The following KIF18A variants were observed in gnomAD, a reference collection of about 807,000 sequenced individuals.
KIF18A encodes kinesin family member 18A.
In KIF18A, 67 loss-of-function variants were observed where a neutral mutation model predicts 103.3. That is an observed-to-expected ratio of 0.65 (90% CI 0.53 to 0.79). The LOEUF (loss-of-function observed/expected upper bound fraction) is 0.79. Ranked by LOEUF, KIF18A falls within the 30% of genes least tolerant of loss-of-function variation. The pLI is 0.00. For synonymous variants in KIF18A, 367 were observed against 355.5 expected, an observed-to-expected ratio of 1.03 and a Z score of -0.36; for missense variants, 1,032 against 1,062.5, an observed-to-expected ratio of 0.97 and a Z score of 0.40.
chr11:28,055,422 T>G (rs557083594), intron 13 of KIF18A, among the ~76,000 whole-genome samples: 1 of 152,190 alleles, frequency 6.6e-6, no homozygotes, highest in Non-Finnish European at 1.5e-5. Context: ...TTCTGCAATT[T>G]CAGCTAATTT....
chr11:28,105,153 T>G (rs1851488755), intron 1 of KIF18A, among the ~76,000 whole-genome samples: 1 of 152,106 alleles, frequency 6.6e-6, no homozygotes, highest in Non-Finnish European at 1.5e-5. Context: ...ATTGACATAC[T>G]CTTACTAAAT....
intron 16 of KIF18A, among the ~76,000 whole-genome samples, chr11:28,023,064 G>A (rs1157571226): frequency 6.6e-6 from 1 of 152,190 alleles, no homozygotes; most frequent in African/African-American, 2.4e-5. Context: ...TGAATAAATA[G>A]TTTCTGAATG....
At chr11:28,066,561 C>T (rs192457623) in intron 11 of KIF18A, among the ~76,000 whole-genome samples, 2 of 151,536 alleles carry the variant, frequency 1.3e-5, no homozygotes, top group African/African-American at 4.8e-5. Context: ...ATGGACACAA[C>T]GTTTAAAAAA....
At chr11:28,068,287 G>A (rs929160796) in intron 11 of KIF18A, among the ~76,000 whole-genome samples, 8 of 152,000 alleles carry the variant, frequency 5.3e-5, no homozygotes, top group African/African-American at 1.9e-4. Context: ...GGGGGCAAGG[G>A]GAGGGAGAGC....
chr11:28,084,974 G>C (rs1226938150), intron 6 of KIF18A, among the ~76,000 whole-genome samples, 166 bp from the exon 7 acceptor site: 1 of 152,070 alleles, frequency 6.6e-6, no homozygotes, highest in Non-Finnish European at 1.5e-5. Flanking sequence ...AATAAGAATA[G>C]TCATAATACA....
chr11:28,024,662 G>A (rs1442167638), intron 15 of KIF18A, among the ~76,000 whole-genome samples: 1 of 152,082 alleles, frequency 6.6e-6, no homozygotes, highest in Non-Finnish European at 1.5e-5. Flanking sequence ...GAGTAAGAAA[G>A]AATAATGGAA....
At chr11:28,105,165 G>A (rs1387957637) in intron 1 of KIF18A, among the ~76,000 whole-genome samples, 1 of 151,882 alleles carries the variant, frequency 6.6e-6, no homozygotes, top group African/African-American at 2.4e-5. Context: ...TTACTAAATC[G>A]TCATAACAAC....
chr11:28,074,860 CTA>C (rs1851069361), intron 10 of KIF18A, among the ~76,000 whole-genome samples: 1 of 152,022 alleles, frequency 6.6e-6, no homozygotes, highest in Non-Finnish European at 1.5e-5. Context: ...CATCATATGT[CTA>C]TGTAATTAAA....
chr11:28,091,614 A>G lies in KIF18A; in HGVS notation c.484-101T>C, dbSNP rs1210769504. The G allele has an allele frequency of 7.3e-6, 4 of 547,384 alleles. No individual in the cohort carries two copies. In the East Asian group the frequency reaches 9.5e-5, roughly 13 times the overall value. The allele number at this position is 547,384 out of a possible 1,614,324, so 33.9% of individuals were successfully genotyped here. On this transcript the variant is annotated intron_variant, in intron 3 of 16. Coordinates refer to ENST00000263181, the MANE Select transcript of KIF18A (RefSeq NM_031217.4). ...TTTAAAGTTATTAGAATTTTATCCT[A>G]AAGACAAGCAGCACCTCACTTTTAT...
intron 7 of KIF18A, among the ~76,000 whole-genome samples, chr11:28,084,028 A>AT (rs1404592540): frequency 2.0e-5 from 3 of 152,142 alleles, no homozygotes; most frequent in African/African-American, 7.2e-5. Flanking sequence ...ACATATTTTG[A>AT]TATACATGTT....
chr11:28,033,673 G>T (rs1449402364), intron 15 of KIF18A, among the ~76,000 whole-genome samples: 1 of 151,624 alleles, frequency 6.6e-6, no homozygotes, highest in Non-Finnish European at 1.5e-5. Flanking sequence ...TTGAACTCAT[G>T]GAGATAGAGA....
rs1316819483 is a variant in KIF18A, at chr11:28,023,696, TAC to T, written c.2614+43_2614+44del. 4.6e-6 allele frequency: 5 copies of T among 1,081,966 alleles called. No homozygotes were observed. The South Asian group carries it at 6.5e-5, about 14-fold the overall frequency. The allele number at this position is 1,081,966 out of a possible 1,614,324, so 67.0% of individuals were successfully genotyped here. A position where few individuals can be genotyped will look rare whatever the true frequency, so the allele number is the denominator to read the frequency against. ...AAAACGTAAAGTACTATATGTGTGT[TAC>T]AGAGTCATACCATTAAATATCAAAT... On this transcript the variant is annotated intron_variant, in intron 16 of 16. Coordinates refer to ENST00000263181, the MANE Select transcript of KIF18A (RefSeq NM_031217.4).
chr11:28,100,032 G>C (rs527897633), intron 1 of KIF18A, among the ~76,000 whole-genome samples: 1 of 152,236 alleles, frequency 6.6e-6, no homozygotes, highest in East Asian at 1.9e-4. Flanking sequence ...AAAGGTGACA[G>C]AATTTACTGA....
chr11:28,021,315 G>A, intron 16 of KIF18A, 33 bp from the exon 17 acceptor site: 2 of 1,302,690 alleles, frequency 1.5e-6, no homozygotes, highest in Non-Finnish European at 2.0e-6. Flanking sequence ...CATAAATATG[G>A]CATAAATATC....
intron 1 of KIF18A, among the ~76,000 whole-genome samples, chr11:28,103,574 G>A (rs1404680529): frequency 6.6e-6 from 1 of 152,022 alleles, no homozygotes; most frequent in African/African-American, 2.4e-5. Context: ...AAGGGTACAA[G>A]AGAATAAGAA....
chr11:28,105,034 C>G (rs552806360), intron 1 of KIF18A, among the ~76,000 whole-genome samples: 1 of 151,736 alleles, frequency 6.6e-6, no homozygotes, highest in Non-Finnish European at 1.5e-5. Context: ...AGACAAACAA[C>G]AACAACAAAA....
At chr11:28,081,002 C>T (rs1675129607) in intron 9 of KIF18A, among the ~76,000 whole-genome samples, 1 of 152,158 alleles carries the variant, frequency 6.6e-6, no homozygotes, top group Non-Finnish European at 1.5e-5. Context: ...TTCTTTAAGT[C>T]AAAGCCTTAT....
At chr11:28,070,903 C>T (rs116952957) in intron 10 of KIF18A, among the ~76,000 whole-genome samples, 1,977 of 152,222 alleles carry the variant, frequency 0.013, 16 homozygotes, top group Non-Finnish European at 0.02. Flanking sequence ...TAAATTTAGG[C>T]TGGTTTCGTG....
chr11:28,023,769 C>A lies in KIF18A; in HGVS notation c.2586G>T (p.Lys862Asn). ...TTGTTGGTTTGTTTTCTTGTAAGTGCTTCTCACTTGAATTATCTTGTCGAA... is the reference window on the plus strand; with the variant it reads ...TTGTTGGTTTGTTTTCTTGTAAGTGATTCTCACTTGAATTATCTTGTCGAA... ...KRVRQDNSSE[K>N]HLQENKPTME... The change falls in exon 16 of 17, where the codon AAG becomes AAT. Residue 862 changes from lysine (K) to asparagine (N), a missense_variant. Physicochemically the swap from Lys to Asn is moderately conservative, Grantham distance 94. Transcript: ENST00000263181. The A allele has an allele frequency of 1.2e-6, 2 of 1,610,850 alleles. No individual in the cohort carries two copies. The highest frequency in any genetic ancestry group is 1.7e-6 in the Non-Finnish European group (2 of 1,177,462).
Sources: allele counts gnomAD v4.1 joint callset (sites outside exome capture counted in the v4.1 genomes callset), GRCh38; gene constraint gnomAD v4.1.1; transcripts MANE v1.5; gene names NCBI Gene and HGNC (gene_info 2026-07-23, HGNC 2026-07-21).